The following THSD7A variants were observed in gnomAD, a reference collection of about 807,000 sequenced individuals.
THSD7A encodes thrombospondin type 1 domain containing 7A.
A neutral mutation model predicts 231.3 loss-of-function variants in THSD7A; 96 were observed. The ratio of observed to expected loss-of-function variants is 0.41; its 90% CI spans 0.35 to 0.49. THSD7A has a LOEUF of 0.49. THSD7A is among the 20% of genes least tolerant of loss of function. THSD7A has a pLI of 0.05. For synonymous variants in THSD7A, 940 were observed against 743.3 expected (o/e 1.26, Z -4.30); for missense variants, 2,290 against 2,070.2 (o/e 1.11, Z -2.06).
intron 1 of THSD7A, among the ~76,000 whole-genome samples, chr7:11,755,469 T>C (rs1351478587): frequency 6.6e-6 from 1 of 151,982 alleles, no homozygotes; most frequent in Admixed American, 6.6e-5. Context: ...TGGGGAGAAA[T>C]GCTTATGAAA....
chr7:11,579,970 G>T lies in THSD7A; in HGVS notation c.1453+10490C>A, dbSNP rs567355801. Among the ~76,000 whole-genome samples the T allele has an allele frequency of 5.3e-5, 8 of 152,260 alleles. No homozygotes were observed. In the South Asian group the frequency reaches 1.0e-3, roughly 20 times the overall value. On this transcript the variant is annotated intron_variant, in intron 4 of 27. Coordinates refer to ENST00000423059, the MANE Select transcript of THSD7A (RefSeq NM_015204.3). ...GTAGATTTATTGAGAAGCCCATGAA[G>T]CTTAAGGTTTGGGCCCTTCTAAGGC...
chr7:11,708,909 T>A (rs1584243415), intron 1 of THSD7A, among the ~76,000 whole-genome samples: 1 of 150,674 alleles, frequency 6.6e-6, no homozygotes, highest in African/African-American at 2.4e-5. Context: ...ATAAGGCATA[T>A]CAACATAGGA....
At chr7:11,454,565 CTTTT>C (rs200207068) in intron 11 of THSD7A, among the ~76,000 whole-genome samples, 1 of 142,948 alleles carries the variant, frequency 7.0e-6, no homozygotes, top group South Asian at 2.2e-4. Context: ...GTGGTTATCT[CTTTT>C]TTTTTTTTCA....
At chr7:11,701,940 C>A (rs544331082) in intron 1 of THSD7A, among the ~76,000 whole-genome samples, 1 of 147,358 alleles carries the variant, frequency 6.8e-6, no homozygotes, top group South Asian at 2.1e-4. Flanking sequence ...CACACTTTTT[C>A]CCCTGTAGAT....
intron 7 of THSD7A, among the ~76,000 whole-genome samples, chr7:11,476,006 A>G (rs6967171): frequency 0.13 from 19,217 of 146,896 alleles, 1,462 homozygotes; most frequent in Middle Eastern, 0.21. Context: ...TTGTATACCC[A>G]GTGGGAACCA....
chr7:11,381,919 T>G (rs1360706144), intron 24 of THSD7A, among the ~76,000 whole-genome samples: 2 of 152,138 alleles, frequency 1.3e-5, no homozygotes, highest in African/African-American at 4.8e-5. Context: ...TTGGTCGAAG[T>G]ACAATCAAAT....
chr7:11,709,552 A>G (rs1029786170), intron 1 of THSD7A, among the ~76,000 whole-genome samples: 1 of 150,870 alleles, frequency 6.6e-6, no homozygotes. Context: ...ACCCATCTCC[A>G]ACTGCTGTCT....
intron 1 of THSD7A, among the ~76,000 whole-genome samples, chr7:11,701,914 C>A (rs1780614837): frequency 6.6e-6 from 1 of 151,186 alleles, no homozygotes; most frequent in East Asian, 2.0e-4. Flanking sequence ...TTTCCTAGGA[C>A]AGGAATATGC....
At chr7:11,681,740 G>A (rs551642437) in intron 1 of THSD7A, among the ~76,000 whole-genome samples, 8 of 151,978 alleles carry the variant, frequency 5.3e-5, no homozygotes, top group African/African-American at 1.9e-4. Context: ...ATGTTGACAT[G>A]CGAGTACAAG....
chr7:11,725,373 G>T (rs918565503), intron 1 of THSD7A, among the ~76,000 whole-genome samples: 5 of 151,838 alleles, frequency 3.3e-5, no homozygotes, highest in African/African-American at 1.2e-4. Context: ...GTGAAGACCC[G>T]TACCACACAT....
intron 13 of THSD7A, 31 bp from the exon 14 acceptor site, chr7:11,429,156 C>T (rs1021669995): frequency 1.3e-6 from 2 of 1,529,672 alleles, no homozygotes; most frequent in African/African-American, 1.4e-5. Context: ...CAAGAATCAT[C>T]TCCTCCACCT....
rs1272029368 is a variant in THSD7A, at chr7:11,660,117, A to T, written c.191-23156T>A. ...ACACATATGCTTCTAGATGTAAAGA[A>T]TTAATATAGCAAGAAAGCCAATTTC... On this transcript the variant is annotated intron_variant, in intron 1 of 27. Coordinates refer to ENST00000423059, the MANE Select transcript of THSD7A (RefSeq NM_015204.3). 2.0e-5 allele frequency among the ~76,000 whole-genome samples: 3 copies of T among 151,754 alleles called. No individual in the cohort carries two copies. The East Asian group carries it at 5.8e-4, about 30-fold the overall frequency.
intron 16 of THSD7A, among the ~76,000 whole-genome samples, chr7:11,421,247 T>C (rs975400937): frequency 4.6e-5 from 7 of 152,128 alleles, no homozygotes; most frequent in Non-Finnish European, 7.4e-5. Context: ...TAGGAGGTGA[T>C]TGGATCATAG....
Position 11,593,402 on chromosome 7 carries a change from T to C in THSD7A, c.1123A>G (p.Thr375Ala), listed in dbSNP as rs781016645. 6.2e-7 allele frequency: 1 copy of C among 1,614,020 alleles called. No homozygotes were observed. Among genetic ancestry groups the C allele is most frequent in the Non-Finnish European group, 8.5e-7 (1 of 1,179,890 alleles). Residue 375 changes from threonine to alanine, a missense_variant, in exon 3 of 28, where the codon ACA (threonine) becomes GCA (alanine). Physicochemically the swap from Thr to Ala is moderately conservative, Grantham distance 58 (BLOSUM62 0). Transcript: ENST00000423059. ...EWSEWSPCSK[T>A]CHDMVSPAGT... The stretch of plus-strand genomic sequence containing the variant: ...GCAGGGGACACCATGTCATGGCATG[T>C]TTTTGAGCAGGGGCTCCACTCTGAC...
intron 1 of THSD7A, among the ~76,000 whole-genome samples, chr7:11,765,659 A>C (rs1783009121): frequency 6.6e-6 from 1 of 152,158 alleles, no homozygotes. Context: ...AAGTGAGATT[A>C]CTATGCATTT....
chr7:11,820,756 G>T, intron 1 of THSD7A: 1 of 1,211,450 alleles, frequency 8.3e-7, no homozygotes, highest in Non-Finnish European at 1.2e-6. Context: ...CTTCTGCTTT[G>T]TAGGAGTGAG....
Position 11,821,535 on chromosome 7 carries a change from A to G in THSD7A, c.190+10222T>C, listed in dbSNP as rs368861266. Among the ~76,000 whole-genome samples the G allele has an allele frequency of 2.6e-4, 39 of 152,310 alleles. No homozygotes were observed. In the East Asian group the frequency reaches 3.3e-3, roughly 13 times the overall value. On this transcript the variant is annotated intron_variant, in intron 1 of 27. Transcript: ENST00000423059. ...TGTTCACCTCAAAAGAAAAAAAATA[A>G]TAATTTTAAAAGAATGCAGATAATT...
intron 1 of THSD7A, among the ~76,000 whole-genome samples, chr7:11,697,092 G>T (rs1780427354): frequency 6.6e-6 from 1 of 151,390 alleles, no homozygotes; most frequent in South Asian, 2.1e-4. Flanking sequence ...TTTCCCTAAT[G>T]TAAGATTTAT....
chr7:11,387,848 T>C (rs1583650756), intron 23 of THSD7A, among the ~76,000 whole-genome samples: 3 of 152,060 alleles, frequency 2.0e-5, no homozygotes, highest in South Asian at 4.1e-4. Context: ...TGTGGGTTTG[T>C]CATAAATAGC....
Sources: gnomAD v4.1 joint callset for allele counts (sites outside exome capture counted in the v4.1 genomes callset) on GRCh38, gnomAD v4.1.1 for gene constraint, MANE v1.5 for transcripts, NCBI Gene and HGNC (gene_info 2026-07-23, HGNC 2026-07-21) for gene names.